The following MLXIP variants were observed in gnomAD, a reference collection of about 807,000 sequenced individuals.
MLXIP encodes the protein MLX-interacting protein.
In MLXIP, 30 loss-of-function variants were observed where a neutral mutation model predicts 87.2. The ratio of observed to expected loss-of-function variants is 0.34; its 90% CI spans 0.26 to 0.47. The LOEUF is 0.47. MLXIP is among the 20% of genes least tolerant of loss of function. The probability of loss-of-function intolerance (pLI) is 1.00; values close to 1 mark genes in which losing one functional copy is unlikely to be tolerated. For missense variants in MLXIP, 1,002 were observed against 1,240.1 expected (o/e 0.81, Z 2.88); for synonymous variants, 530 against 514.0 (o/e 1.03, Z -0.42).
chr12:122,141,034 G>T lies in MLXIP; in HGVS notation c.2589G>T (p.Thr863=). 2 of 1,613,710 alleles carry T rather than the reference G, an allele frequency of 1.2e-6. No homozygotes were observed. The highest frequency in any genetic ancestry group is 1.3e-5 in the African/African-American group (1 of 75,066). Residue 863 remains threonine (T), a synonymous_variant, in exon 16 of 17, where the codon ACG becomes ACT. Transcript: ENST00000319080. ...GCAGCCTGGAGGAGCTGCACCGGAC[G>T]GCGCTCTCCTGGCTGGACCAGCACT... The part of the protein sequence containing the change: ...STSSLEELHR[T]ALSWLDQHCS...
chr12:122,121,010 G>GTTTTTTTTGTTTTTT, intron 1 of MLXIP, among the ~76,000 whole-genome samples: 1 of 111,910 alleles, frequency 8.9e-6, no homozygotes, highest in Non-Finnish European at 1.7e-5. Context: ...TGCATGCTTG[G>GTTTTTTTTGTTTTTT]TTTTTTTTTT....
At position 122,138,384 on chromosome 12, in the gene MLXIP, G is replaced by C. The variant is rs756525607; in HGVS notation, c.2257-40G>C. 2.5e-6 allele frequency: 4 copies of C among 1,610,754 alleles called. No homozygotes were observed. The African/African-American group carries it at 5.3e-5, about 21-fold the overall frequency. ...GGTCATTGCTGGTGGCAGGCCTGCT[G>C]GCTGTGGGTGCTGCCTCCAGCCACC... On this transcript the variant is annotated intron_variant, in intron 13 of 16. Coordinates refer to ENST00000319080, the MANE Select transcript of MLXIP (RefSeq NM_014938.6).
In MLXIP at chr12:122,135,549, A is replaced by G. The variant is rs770068164; in HGVS notation, c.1915A>G (p.Ser639Gly). Residue 639 changes from serine (S) to glycine (G), a missense_variant, in exon 11 of 17, where the codon AGC becomes GGC. Ser to Gly is a moderately conservative substitution (Grantham distance 56). This residue lies in a region of MLXIP where 746 missense variants were observed against 897.0 expected (regional missense o/e 0.83). Coordinates refer to ENST00000319080, the MANE Select transcript of MLXIP (RefSeq NM_014938.6). The surrounding 1 kb of genome is among the most constrained non-coding windows in gnomAD (Gnocchi z 5.3). ...ILVTDLGHGT[S>G]SPPAPVSRLF... ...GGTGACAGATCTCGGCCATGGCACGAGCAGCCCGCCTGCCCCCGTCTCCCG... is the reference window on the plus strand; with the variant it reads ...GGTGACAGATCTCGGCCATGGCACGGGCAGCCCGCCTGCCCCCGTCTCCCG... 10 of 1,604,786 alleles carry G rather than the reference A, an allele frequency of 6.2e-6. No individual in the cohort carries two copies. In the South Asian group the frequency reaches 1.0e-4, roughly 16 times the overall value.
intron 1 of MLXIP, among the ~76,000 whole-genome samples, chr12:122,095,897 G>A (rs918904756): frequency 0.094 from 14,110 of 150,338 alleles, 913 homozygotes; most frequent in Admixed American, 0.19. Context: ...ACAGAATCTC[G>A]CTCTGTCGCC....
At position 122,143,355 on chromosome 12, in the gene MLXIP, C is replaced by G. The variant is rs1399633448; in HGVS notation, c.*1543C>G. On this transcript the variant is annotated 3_prime_UTR_variant, in exon 17 of 17. Coordinates refer to ENST00000319080, the MANE Select transcript of MLXIP (RefSeq NM_014938.6). ...TCAGGCCTCCGGCCAGCTGCCTGCC[C>G]TCTTGTCTGTGCTTCAGCCCTGCAC... The G allele has an allele frequency of 6.6e-6, 1 of 152,490 alleles. No homozygotes were observed. Among genetic ancestry groups the G allele is most frequent in the Non-Finnish European group, 1.5e-5 (1 of 68,232 alleles). The allele number at this position is 152,490 out of a possible 1,614,324, so 9.4% of individuals were successfully genotyped here. A position where few individuals can be genotyped will look rare whatever the true frequency, so the allele number is the denominator to read the frequency against.
chr12:122,112,678 A>G (rs929383333), intron 1 of MLXIP, among the ~76,000 whole-genome samples: 6 of 152,042 alleles, frequency 3.9e-5, no homozygotes, highest in Admixed American at 3.3e-4. Flanking sequence ...TACAAAACCC[A>G]TAAGAAACAA....
At chr12:122,121,010 G>GTTTTTTTTTGTTTTTTTTTTTTTTTTTTT (rs1952772101) in intron 1 of MLXIP, among the ~76,000 whole-genome samples, 1 of 111,910 alleles carries the variant, frequency 8.9e-6, no homozygotes, top group Non-Finnish European at 1.7e-5. Flanking sequence ...TGCATGCTTG[G>GTTTTTTTTTGTTTTTTTTTTTTTTTTTTT]TTTTTTTTTT....
intron 1 of MLXIP, among the ~76,000 whole-genome samples, chr12:122,103,521 CTTTT>C (rs36181949): frequency 3.6e-5 from 4 of 111,298 alleles, no homozygotes; most frequent in Non-Finnish European, 5.4e-5. Context: ...TGCACCTGGC[CTTTT>C]TTTTTTTTTT....
intron 1 of MLXIP, among the ~76,000 whole-genome samples, chr12:122,079,475 C>T (rs1175853709): frequency 1.3e-5 from 2 of 152,356 alleles, no homozygotes; most frequent in East Asian, 1.9e-4. Context: ...TGCCGGGGTC[C>T]TTTCGGGTTC....
At chr12:122,107,368 T>C (rs906085504) in intron 1 of MLXIP, among the ~76,000 whole-genome samples, 4 of 152,124 alleles carry the variant, frequency 2.6e-5, no homozygotes, top group African/African-American at 9.7e-5. Flanking sequence ...GCTCTCCAGC[T>C]CCGCAGCACC....
chr12:122,089,660 C>T (rs1402620344), intron 1 of MLXIP, among the ~76,000 whole-genome samples: 2 of 152,130 alleles, frequency 1.3e-5, no homozygotes, highest in Non-Finnish European at 2.9e-5. Flanking sequence ...TGTCACAGCC[C>T]AGTGCTGGGA....
chr12:122,121,297 T>A, intron 1 of MLXIP, among the ~76,000 whole-genome samples: 1 of 138,358 alleles, frequency 7.2e-6, no homozygotes, highest in Admixed American at 7.3e-5. Context: ...CGCGAGCCAC[T>A]GTGCCCAGCC....
Position 122,138,242 on chromosome 12 carries a change from A to G in MLXIP, c.2203A>G (p.Ile735Val). 1 of 1,613,000 alleles carries G rather than the reference A, an allele frequency of 6.2e-7. No homozygotes were observed. Residue 735 changes from isoleucine to valine, a missense_variant, in exon 13 of 17, where the codon ATC (isoleucine) becomes GTC (valine). By Grantham distance (29) the Ile-to-Val change is conservative (BLOSUM62 3). Coordinates refer to ENST00000319080, the MANE Select transcript of MLXIP (RefSeq NM_014938.6). ...AGCTGAGCAGAAAAGGCGCTTCAAC[A>G]TCAAGATGTGCTTCGACATGCTCAA... is the stretch of plus-strand genomic sequence containing the variant. Reference protein sequence around the residue: ...ISAEQKRRFNIKMCFDMLNSL... With the variant: ...ISAEQKRRFNVKMCFDMLNSL...
At chr12:122,122,691 G>A (rs1456973016) in intron 1 of MLXIP, among the ~76,000 whole-genome samples, 3 of 151,812 alleles carry the variant, frequency 2.0e-5, no homozygotes, top group East Asian at 1.9e-4. Flanking sequence ...ACAGGCGCCC[G>A]CCACCACGAC....
At chr12:122,131,836 G>A (rs764569235) in intron 7 of MLXIP, among the ~76,000 whole-genome samples, 21 of 150,636 alleles carry the variant, frequency 1.4e-4, no homozygotes, top group Non-Finnish European at 2.9e-4. Context: ...GGACTTAAGC[G>A]ATCCTTCCGC....
intron 1 of MLXIP, among the ~76,000 whole-genome samples, chr12:122,108,109 C>T (rs996650939): frequency 4.6e-5 from 7 of 152,038 alleles, no homozygotes; most frequent in African/African-American, 1.7e-4. Flanking sequence ...GTGGTTCACA[C>T]CTGTAATCCC....
At chr12:122,106,390 C>G (rs1174242430) in intron 1 of MLXIP, among the ~76,000 whole-genome samples, 1 of 152,184 alleles carries the variant, frequency 6.6e-6, no homozygotes, top group Non-Finnish European at 1.5e-5. Context: ...GAAGACCTTT[C>G]TGTCTTCTGC....
chr12:122,089,675 C>G (rs1037949633), intron 1 of MLXIP, among the ~76,000 whole-genome samples: 1 of 152,148 alleles, frequency 6.6e-6, no homozygotes, highest in African/African-American at 2.4e-5. Context: ...CTGGGACATT[C>G]CATCACCTCA....
At chr12:122,113,981 G>A (rs529197945) in intron 1 of MLXIP, among the ~76,000 whole-genome samples, 150 of 137,326 alleles carry the variant, frequency 1.1e-3, no homozygotes, top group African/African-American at 3.6e-3. Context: ...CACTGCACCC[G>A]GCCTTTTTTT....
Sources: allele counts gnomAD v4.1 joint callset (sites outside exome capture counted in the v4.1 genomes callset), GRCh38; gene constraint gnomAD v4.1.1; regional missense constraint gnomAD v4.1.1; non-coding constraint Gnocchi (gnomAD v3.1); transcripts MANE v1.5; gene names NCBI Gene and HGNC (gene_info 2026-07-23, HGNC 2026-07-21).